CDH8: variants seen among roughly 807,000 people sequenced by gnomAD.
CDH8 encodes cadherin-8.
In CDH8, 17 loss-of-function variants were observed where a neutral mutation model predicts 68.1. The observed-to-expected ratio is 0.25, with a 90% confidence interval of 0.17 to 0.37. The LOEUF (loss-of-function observed/expected upper bound fraction) is 0.37. Among genes scored for constraint, CDH8 ranks in the 10% least tolerant of loss-of-function variants. The probability of loss-of-function intolerance (pLI) is 1.00; values close to 1 mark genes in which losing one functional copy is unlikely to be tolerated. For missense variants in CDH8, 763 were observed against 999.3 expected (o/e 0.76, Z 3.19); for synonymous variants, 372 against 365.1 (o/e 1.02, Z -0.21).
chr16:61,822,664 G>A (rs1192251151), intron 5 of CDH8, among the ~76,000 whole-genome samples: 1 of 151,844 alleles, frequency 6.6e-6, no homozygotes, highest in African/African-American at 2.4e-5. Flanking sequence ...CCACAAGGTA[G>A]GCACTGAAAA....
At chr16:61,853,932 T>C (rs1305313894) in intron 4 of CDH8, among the ~76,000 whole-genome samples, 1 of 151,978 alleles carries the variant, frequency 6.6e-6, no homozygotes, top group Admixed American at 6.6e-5. Flanking sequence ...AATTAAAAGT[T>C]GTTTTCTTCA....
intron 3 of CDH8, among the ~76,000 whole-genome samples, chr16:61,858,121 A>T (rs1452417003): frequency 1.3e-5 from 2 of 151,944 alleles, no homozygotes; most frequent in Non-Finnish European, 2.9e-5. Context: ...TTTACACTCA[A>T]AAAGCTCGCA....
chr16:61,817,797 A>G (rs941829017), intron 6 of CDH8, 65 bp from the exon 7 acceptor site: 2 of 1,460,744 alleles, frequency 1.4e-6, no homozygotes, highest in South Asian at 1.4e-5. Context: ...ACAAATGAGT[A>G]TAATGCTGAT....
intron 4 of CDH8, among the ~76,000 whole-genome samples, chr16:61,841,992 A>T (rs1276262670): frequency 6.6e-6 from 1 of 151,234 alleles, no homozygotes; most frequent in Non-Finnish European, 1.5e-5. Context: ...GGTTCACGCC[A>T]TTCTCCTGCC....
At chr16:61,886,388 C>A (rs928289589) in intron 3 of CDH8, among the ~76,000 whole-genome samples, 1 of 152,166 alleles carries the variant, frequency 6.6e-6, no homozygotes, top group Non-Finnish European at 1.5e-5. Flanking sequence ...CTTTTATATC[C>A]TCTTACAGAC....
chr16:61,793,592 T>A (rs1323725039), intron 7 of CDH8, among the ~76,000 whole-genome samples: 1 of 152,092 alleles, frequency 6.6e-6, no homozygotes, highest in Non-Finnish European at 1.5e-5. Flanking sequence ...CTCATTCTTT[T>A]TTATGGCTGC....
chr16:61,777,795 C>T (rs190651849), intron 8 of CDH8, among the ~76,000 whole-genome samples: 49 of 152,224 alleles, frequency 3.2e-4, no homozygotes, highest in African/African-American at 1.2e-3. Flanking sequence ...CCATTTTGTG[C>T]CTGCATCACT....
At position 61,650,812 on chromosome 16, in the gene CDH8, G is replaced by C. The variant is rs1963307207; in HGVS notation, c.*2796C>G. On this transcript the variant is annotated 3_prime_UTR_variant, in exon 12 of 12. Coordinates refer to ENST00000577390, the MANE Select transcript of CDH8 (RefSeq NM_001796.5). Reference sequence around the variant, plus strand: ...TAAAAGTATAGGTCAATCTTATTAGGATCAAGGTATTAGTCACTTTATTCT... The same window carrying C: ...TAAAAGTATAGGTCAATCTTATTAGCATCAAGGTATTAGTCACTTTATTCT... The C allele has an allele frequency of 6.6e-6, 1 of 151,276 alleles. No individual in the cohort carries two copies. The highest frequency in any genetic ancestry group is 1.5e-5 in the Non-Finnish European group (1 of 67,828). The allele number at this position is 151,276 out of a possible 1,614,324, so 9.4% of individuals were successfully genotyped here.
rs553486677 is a variant in CDH8, at chr16:61,655,848, G to C, written c.1655-127C>G. The C allele has an allele frequency of 1.3e-4, 104 of 770,374 alleles. No individual in the cohort carries two copies. The African/African-American group carries it at 1.7e-3, about 12-fold the overall frequency. 47.7% of individuals were successfully genotyped at this position (770,374 alleles called of 1,614,324 possible). ...ATCCCGACTTCAAAGGACTGCTCAGGCTTTTTCCCTGACTCGTCTCCGCAC... is the reference window on the plus strand; with the variant it reads ...ATCCCGACTTCAAAGGACTGCTCAGCCTTTTTCCCTGACTCGTCTCCGCAC... On this transcript the variant is annotated intron_variant, in intron 10 of 11. Coordinates refer to ENST00000577390, the MANE Select transcript of CDH8 (RefSeq NM_001796.5).
intron 10 of CDH8, among the ~76,000 whole-genome samples, chr16:61,710,961 T>TG (rs1470971011): frequency 6.6e-6 from 1 of 152,028 alleles, no homozygotes; most frequent in Non-Finnish European, 1.5e-5. Context: ...TTCAGCCAAC[T>TG]GGAAGATGAA....
intron 3 of CDH8, among the ~76,000 whole-genome samples, chr16:61,860,385 C>G (rs1311174102): frequency 6.6e-6 from 1 of 152,082 alleles, no homozygotes; most frequent in Non-Finnish European, 1.5e-5. Context: ...TATGTAGTAA[C>G]TATTTTTGCA....
At chr16:61,657,441 T>C (rs192449264) in intron 10 of CDH8, among the ~76,000 whole-genome samples, 1 of 152,256 alleles carries the variant, frequency 6.6e-6, no homozygotes, top group Non-Finnish European at 1.5e-5. Flanking sequence ...TACATCATTA[T>C]ATAGTAATTT....
chr16:61,848,480 T>C (rs1295076872), intron 4 of CDH8, among the ~76,000 whole-genome samples: 1 of 152,116 alleles, frequency 6.6e-6, no homozygotes, highest in Non-Finnish European at 1.5e-5. Flanking sequence ...TACCCAAGTA[T>C]ATTTAACTGT....
intron 10 of CDH8, among the ~76,000 whole-genome samples, chr16:61,691,104 C>T (rs1964214056): frequency 6.6e-6 from 1 of 152,066 alleles, no homozygotes. Context: ...AAATCATGCA[C>T]CTTTGTTTGC....
intron 10 of CDH8, among the ~76,000 whole-genome samples, chr16:61,705,888 A>G (rs928576279): frequency 6.6e-6 from 1 of 152,246 alleles, no homozygotes; most frequent in Non-Finnish European, 1.5e-5. Flanking sequence ...TAAGATTTCA[A>G]ATTGTTATAA....
At chr16:61,667,663 A>G (rs1367445017) in intron 10 of CDH8, 1 of 152,036 alleles carries the variant, frequency 6.6e-6, no homozygotes, top group African/African-American at 2.4e-5. Context: ...TCCAGCCTCC[A>G]GAAACTCTAA....
intron 2 of CDH8, 114 bp downstream of exon 2, chr16:62,021,038 A>G: frequency 1.1e-6 from 1 of 908,304 alleles, no homozygotes; most frequent in Admixed American, 2.3e-5. Flanking sequence ...CTCACTAAAC[A>G]TCTGGCTTGA....
chr16:62,001,742 A>G (rs897818582), intron 2 of CDH8, among the ~76,000 whole-genome samples: 2 of 152,142 alleles, frequency 1.3e-5, no homozygotes, highest in Admixed American at 6.5e-5. Flanking sequence ...ACGTATGTAT[A>G]CATGTGCCAT....
At chr16:61,662,244 T>C (rs1009323686) in intron 10 of CDH8, among the ~76,000 whole-genome samples, 1 of 151,794 alleles carries the variant, frequency 6.6e-6, no homozygotes, top group Non-Finnish European at 1.5e-5. Flanking sequence ...AATCTTCTTT[T>C]CAGTCTTTCA....
Sources: allele counts gnomAD v4.1 joint callset (sites outside exome capture counted in the v4.1 genomes callset), GRCh38; gene constraint gnomAD v4.1.1; transcripts MANE v1.5; gene names NCBI Gene and HGNC (gene_info 2026-07-23, HGNC 2026-07-21).